DNAJA4: variants seen among roughly 807,000 people sequenced by gnomAD.
The protein encoded by DNAJA4 is dnaJ homolog subfamily A member 4.
Under a neutral mutation model 39.7 loss-of-function variants are expected in DNAJA4, and 32 were observed. That is an observed-to-expected ratio of 0.81 (90% CI 0.61 to 1.08). The LOEUF is 1.08. DNAJA4 is among the 50% of genes least tolerant of loss of function. DNAJA4 has a pLI of 0.00. For synonymous variants in DNAJA4, 184 were observed against 182.4 expected (o/e 1.01, Z -0.07); for missense variants, 439 against 505.1 (o/e 0.87, Z 1.25).
At chr15:78,267,469 T>TTTTTTTTG (rs1555438116) in intron 1 of DNAJA4, among the ~76,000 whole-genome samples, 1 of 151,704 alleles carries the variant, frequency 6.6e-6, no homozygotes, top group East Asian at 1.9e-4. Context: ...GCGGGTGTTT[T>TTTTTTTTG]TTTTTTGTTT....
At chr15:78,270,024 A>G (rs2049249809) in intron 1 of DNAJA4, 1 of 153,442 alleles carries the variant, frequency 6.5e-6, no homozygotes, top group Admixed American at 6.4e-5. Flanking sequence ...ATAGGTTTGT[A>G]TCCAATGTCT....
intron 1 of DNAJA4, chr15:78,265,562 A>C: frequency 1.4e-6 from 1 of 702,400 alleles, no homozygotes; most frequent in Non-Finnish European, 2.6e-6. Flanking sequence ...GTTGATCATA[A>C]GTACCAATCA....
chr15:78,267,956 CTGGGAGA>C (rs2049188857), intron 1 of DNAJA4, among the ~76,000 whole-genome samples: 1 of 152,188 alleles, frequency 6.6e-6, no homozygotes, highest in Non-Finnish European at 1.5e-5. Context: ...TCGTCTCCCA[CTGGGAGA>C]AGGGGGTCCG....
upstream of DNAJA4, chr15:78,264,424 C>CG (rs1010700626): frequency 1.5e-6 from 2 of 1,359,364 alleles, no homozygotes; most frequent in African/African-American, 1.5e-5. Context: ...GGACGGGCGT[C>CG]GGGGGTCTGG....
chr15:78,267,193 A>AGTGT (rs1366950739), intron 1 of DNAJA4, among the ~76,000 whole-genome samples: 62 of 150,556 alleles, frequency 4.1e-4, no homozygotes, highest in Admixed American at 3.8e-3. Context: ...TGTGTGTGTG[A>AGTGT]GTGTGTATGT....
intron 5 of DNAJA4, among the ~76,000 whole-genome samples, chr15:78,278,826 A>ATTTTTTTT (rs33990133): frequency 3.4e-5 from 3 of 87,488 alleles, no homozygotes; most frequent in African/African-American, 4.8e-5. Flanking sequence ...TAGTTTTTCT[A>ATTTTTTTT]TTTTTTTTTT....
chr15:78,273,255 A>G (rs1028829490), intron 3 of DNAJA4, 56 bp downstream of exon 3: 2 of 1,031,980 alleles, frequency 1.9e-6, no homozygotes, highest in African/African-American at 3.2e-5. Flanking sequence ...ATTCAGAAAC[A>G]ATGCTTGTTT....
intron 1 of DNAJA4, 40 bp from the exon 2 acceptor site, chr15:78,270,457 G>T (rs2049261775): frequency 1.3e-6 from 2 of 1,589,022 alleles, no homozygotes; most frequent in Non-Finnish European, 1.7e-6. Context: ...CAAAACAACT[G>T]AAACTTCTCT....
rs367987499 is a variant in DNAJA4 at position 78,278,949 on chromosome 15, G to A, written c.878-1096G>A. Among the ~76,000 whole-genome samples, 11 of 149,522 alleles carry A rather than the reference G, an allele frequency of 7.4e-5. No individual in the cohort carries two copies. The East Asian group carries it at 1.8e-3, about 24-fold the overall frequency. On this transcript the variant is annotated intron_variant, in intron 5 of 6. Coordinates refer to ENST00000394852, the MANE Select transcript of DNAJA4 (RefSeq NM_001130182.2). ...CTCCCAAAGTGCTGGGATTACAGGC[G>A]TGAGCCACCGTGCCTGGCCATGACT...
chr15:78,270,612 C>G lies in DNAJA4; in HGVS notation c.248C>G (p.Ser83Cys), dbSNP rs764131843. 1.9e-6 allele frequency: 3 copies of G among 1,614,208 alleles called. No individual in the cohort carries two copies. The Admixed American group carries it at 5.0e-5, about 27-fold the overall frequency. The stretch of plus-strand genomic sequence containing the variant: ...GGAGGCTCAGGCAGCCCCAGCTTCT[C>G]TTCACCCATGGACATCTTTGACATG... ...KEGGSGSPSF[S>C]SPMDIFDMFF... Residue 83 changes from serine (S) to cysteine (C), a missense_variant, in exon 2 of 7, where the codon TCT becomes TGT. Coordinates refer to ENST00000394852, the MANE Select transcript of DNAJA4 (RefSeq NM_001130182.2).
At chr15:78,266,678 C>T (rs2049132098) in intron 1 of DNAJA4, among the ~76,000 whole-genome samples, 1 of 152,210 alleles carries the variant, frequency 6.6e-6, no homozygotes, top group Non-Finnish European at 1.5e-5. Context: ...GCCCAACGTG[C>T]ATCCTACTTT....
At chr15:78,264,247 C>CGGCG, upstream of DNAJA4, 1 of 1,121,370 alleles carries the variant, frequency 8.9e-7, no homozygotes, top group Non-Finnish European at 1.2e-6. Context: ...AGGGGGCGGC[C>CGGCG]TCGGGGCGGC....
Position 78,275,602 on chromosome 15 carries a change from GTCTT to G in DNAJA4, c.754_757del (p.Phe252ArgfsTer7). On this transcript the variant is annotated frameshift_variant, in exon 5 of 7. Coordinates refer to ENST00000394852, the MANE Select transcript of DNAJA4 (RefSeq NM_001130182.2). LOFTEE classifies it high-confidence loss of function. Reference sequence around the variant, plus strand: ...TGTGCTTGATCAGAAGGATCATAGTGTCTTTCAGAGACGAGGCCATGACTTGATC... The same window carrying G: ...TGTGCTTGATCAGAAGGATCATAGTGTCAGAGACGAGGCCATGACTTGATC... 3.1e-6 allele frequency: 5 copies of G among 1,614,178 alleles called. No homozygotes were observed. The highest frequency in any genetic ancestry group is 4.2e-6 in the Non-Finnish European group (5 of 1,180,008).
upstream of DNAJA4, chr15:78,264,274 G>A (rs2049052776): frequency 2.3e-6 from 3 of 1,325,416 alleles, no homozygotes; most frequent in African/African-American, 1.5e-5. Context: ...GTTGTCGGAG[G>A]GCGCCCTCCA....
intron 1 of DNAJA4, among the ~76,000 whole-genome samples, chr15:78,267,160 A>ATGTAAGTG (rs1567115000): frequency 2.8e-4 from 37 of 131,162 alleles, no homozygotes; most frequent in Non-Finnish European, 4.9e-4. Context: ...GTGAGTGTGT[A>ATGTAAGTG]TGTGAGTGTG....
rs755348169 is a variant in DNAJA4, at chr15:78,274,425, G to A, written c.646+1G>A. On this transcript the variant is annotated splice_donor_variant, in intron 4 of 6. Coordinates refer to ENST00000394852, the MANE Select transcript of DNAJA4 (RefSeq NM_001130182.2). LOFTEE classifies it high-confidence loss of function. ...ATTATCGAGGTACATGTTGAAAAAGGTGAGGCTGCGCAGAGCTGGTGCTCC... is the reference window on the plus strand; with the variant it reads ...ATTATCGAGGTACATGTTGAAAAAGATGAGGCTGCGCAGAGCTGGTGCTCC... The A allele has an allele frequency of 6.2e-7, 1 of 1,613,716 alleles. No homozygotes were observed. Among genetic ancestry groups the A allele is most frequent in the South Asian group, 1.1e-5 (1 of 91,064 alleles).
At chr15:78,278,957 C>A (rs1342345567) in intron 5 of DNAJA4, among the ~76,000 whole-genome samples, 4 of 149,330 alleles carry the variant, frequency 2.7e-5, no homozygotes, top group Non-Finnish European at 5.9e-5. Context: ...GCGTGAGCCA[C>A]CGTGCCTGGC....
Position 78,279,645 on chromosome 15 carries a change from C to A in DNAJA4, c.878-400C>A. 1 of 199,090 alleles carries A rather than the reference C, an allele frequency of 5.0e-6. No individual in the cohort carries two copies. 12.3% of individuals were successfully genotyped at this position (199,090 alleles called of 1,614,324 possible). ...GGTTGGACTCTATTGAGGCTTCTTC[C>A]TGTCTGTGGGGAGCACTCCTGTCCC... On this transcript the variant is annotated intron_variant, in intron 5 of 6. Transcript: ENST00000394852. The surrounding 1 kb of genome is among the most constrained non-coding windows in gnomAD (Gnocchi z 4.5).
chr15:78,282,165 T>TAAAATTAAAATTGAGCTGGTATGAGAG (rs2049678106), exon 7 of DNAJA4: 6 of 152,208 alleles, frequency 3.9e-5, no homozygotes, highest in Non-Finnish European at 8.8e-5. Context: ...TTTGTCACTT[T>TAAAATTAAAATTGAGCTGGTATGAGAG]AAAATTAAAA....
Sources: allele counts gnomAD v4.1 joint callset (sites outside exome capture counted in the v4.1 genomes callset), GRCh38; gene constraint gnomAD v4.1.1; non-coding constraint Gnocchi (gnomAD v3.1); transcripts MANE v1.5; gene names NCBI Gene and HGNC (gene_info 2026-07-23, HGNC 2026-07-21).